The following ADAMTS17 variants were observed in gnomAD, a reference collection of about 807,000 sequenced individuals.
The protein encoded by ADAMTS17 is A disintegrin and metalloproteinase with thrombospondin motifs 17.
Under a neutral mutation model 141.5 loss-of-function variants are expected in ADAMTS17, and 113 were observed. The ratio of observed to expected loss-of-function variants is 0.80; its 90% confidence interval spans 0.69 to 0.93. ADAMTS17 has a LOEUF of 0.93. Among genes scored for constraint, ADAMTS17 ranks in the 40% least tolerant of loss-of-function variants. The probability of loss-of-function intolerance (pLI) is 0.00; values close to 1 mark genes in which losing one functional copy is unlikely to be tolerated. For missense variants in ADAMTS17, 1,659 were observed against 1,517.9 expected, an observed-to-expected ratio of 1.09 and a Z score of -1.54; for synonymous variants, 768 against 630.6, an observed-to-expected ratio of 1.22 and a Z score of -3.27.
At chr15:99,985,101 G>A (rs1388035182) in intron 20 of ADAMTS17, among the ~76,000 whole-genome samples, 2 of 152,338 alleles carry the variant, frequency 1.3e-5, no homozygotes, top group African/African-American at 2.4e-5. Context: ...CCCAGGTCTC[G>A]GACTTCTCTC....
intron 14 of ADAMTS17, among the ~76,000 whole-genome samples, chr15:100,100,841 A>ATC (rs1250437682): frequency 6.6e-6 from 1 of 152,016 alleles, no homozygotes; most frequent in East Asian, 1.9e-4. Context: ...ACCCTCCATG[A>ATC]TCTCATTCCA....
intron 16 of ADAMTS17, among the ~76,000 whole-genome samples, chr15:100,052,719 A>G (rs1390778812): frequency 6.6e-6 from 1 of 152,340 alleles, no homozygotes; most frequent in East Asian, 1.9e-4. Context: ...GTGACTAGGG[A>G]ACAATCTTAT....
intron 3 of ADAMTS17, among the ~76,000 whole-genome samples, chr15:100,316,468 C>T (rs1005510865): frequency 2.6e-5 from 4 of 152,176 alleles, no homozygotes; most frequent in Admixed American, 6.5e-5. Context: ...GGAATCAAGC[C>T]CATTGCCTGC....
intron 3 of ADAMTS17, among the ~76,000 whole-genome samples, chr15:100,318,881 G>A (rs936750361): frequency 2.0e-5 from 3 of 152,334 alleles, no homozygotes; most frequent in East Asian, 1.9e-4. Flanking sequence ...GGACAACCCC[G>A]CCCATGGCAC....
At chr15:100,316,080 T>C (rs2045557380) in intron 3 of ADAMTS17, among the ~76,000 whole-genome samples, 1 of 152,258 alleles carries the variant, frequency 6.6e-6, no homozygotes, top group African/African-American at 2.4e-5. Flanking sequence ...AGAAATTTTT[T>C]TAACTGACTA....
intron 3 of ADAMTS17, among the ~76,000 whole-genome samples, chr15:100,317,821 C>G (rs187081511): frequency 1.5e-3 from 227 of 152,294 alleles, no homozygotes; most frequent in Non-Finnish European, 2.6e-3. Flanking sequence ...GGGCATAAAG[C>G]TGGGCACAGC....
At chr15:100,245,331 G>C (rs2042954627) in intron 7 of ADAMTS17, among the ~76,000 whole-genome samples, 1 of 152,232 alleles carries the variant, frequency 6.6e-6, no homozygotes, top group African/African-American at 2.4e-5. Flanking sequence ...TTCCCAGTCA[G>C]AACAATGAAG....
intron 12 of ADAMTS17, among the ~76,000 whole-genome samples, chr15:100,118,720 G>A (rs1045451811): frequency 3.3e-5 from 5 of 152,150 alleles, no homozygotes; most frequent in African/African-American, 9.7e-5. Context: ...CGGCATGGAA[G>A]GAGCACAGAA....
chr15:100,323,205 T>C (rs2045788951), intron 3 of ADAMTS17, among the ~76,000 whole-genome samples: 1 of 152,144 alleles, frequency 6.6e-6, no homozygotes, highest in African/African-American at 2.4e-5. Context: ...ACATGCTGTG[T>C]TTACATATAT....
At chr15:100,092,266 A>G (rs1344623152) in intron 15 of ADAMTS17, among the ~76,000 whole-genome samples, 2 of 152,216 alleles carry the variant, frequency 1.3e-5, no homozygotes, top group Non-Finnish European at 2.9e-5. Flanking sequence ...TCAGTCTTCA[A>G]CGTCAGTTTA....
rs1187974227 is a variant in ADAMTS17 at position 100,109,750 on chromosome 15, C to T, written c.1889-634G>A. Among the ~76,000 whole-genome samples the T allele has an allele frequency of 2.6e-5, 4 of 152,138 alleles. No individual in the cohort carries two copies. The East Asian group carries it at 7.7e-4, about 29-fold the overall frequency. On this transcript the variant is annotated intron_variant, in intron 13 of 21. Transcript: ENST00000268070. ...CCTGGGTTTCCCCTACTCCTAAAAA[C>T]ACATGACCTCCCAGAACGCGCCCAG...
rs1271022072 is a variant in ADAMTS17 at position 99,974,106 on chromosome 15, T to C, written c.*296A>G. 1.0e-5 allele frequency: 5 copies of C among 482,774 alleles called. No individual in the cohort carries two copies. The Admixed American group carries it at 1.3e-4, about 13-fold the overall frequency. The allele number at this position is 482,774 out of a possible 1,614,324, so 29.9% of individuals were successfully genotyped here. On this transcript the variant is annotated 3_prime_UTR_variant, in exon 22 of 22. Transcript: ENST00000268070. ...AGACAAGAACACTAAATGATGTCTC[T>C]CTCTTGACGGTTGTCTGCCAGAGGT...
At chr15:100,015,152 GT>G (rs1211516407) in intron 18 of ADAMTS17, among the ~76,000 whole-genome samples, 2 of 152,192 alleles carry the variant, frequency 1.3e-5, no homozygotes, top group South Asian at 2.1e-4. Context: ...CTGCTTTAAA[GT>G]TTTTTTCGTC....
intron 7 of ADAMTS17, among the ~76,000 whole-genome samples, chr15:100,204,674 A>G (rs772896354): frequency 6.6e-6 from 1 of 152,262 alleles, no homozygotes; most frequent in Non-Finnish European, 1.5e-5. Context: ...TAAAACTATA[A>G]AAGTCTTAGA....
chr15:99,997,288 G>T lies in ADAMTS17; in HGVS notation c.2796+97C>A, dbSNP rs911476922. Reference sequence around the variant, plus strand: ...AACACAACTTCAAGCTGACCTGGGGGCGAGCGAGGGCTGGGAGGCACCAGA... The same window carrying T: ...AACACAACTTCAAGCTGACCTGGGGTCGAGCGAGGGCTGGGAGGCACCAGA... On this transcript the variant is annotated intron_variant, in intron 19 of 21. Coordinates refer to ENST00000268070, the MANE Select transcript of ADAMTS17 (RefSeq NM_139057.4). This position sits in a 1 kb window ranked among gnomAD's most constrained non-coding sequence, Gnocchi z 4.7. The T allele has an allele frequency of 2.9e-6, 4 of 1,374,878 alleles. No individual in the cohort carries two copies. Among genetic ancestry groups the T allele is most frequent in the Non-Finnish European group, 3.1e-6 (3 of 970,790 alleles). The allele number at this position is 1,374,878 out of a possible 1,614,324, so 85.2% of individuals were successfully genotyped here.
intron 20 of ADAMTS17, among the ~76,000 whole-genome samples, chr15:99,988,492 T>A (rs1443242568): frequency 2.0e-5 from 3 of 152,196 alleles, no homozygotes; most frequent in Admixed American, 2.0e-4. Context: ...TCTTTATCAA[T>A]GATCCAGTCT....
At chr15:100,032,039 C>T (rs535039504) in intron 18 of ADAMTS17, among the ~76,000 whole-genome samples, 1 of 152,290 alleles carries the variant, frequency 6.6e-6, no homozygotes, top group South Asian at 2.1e-4. Context: ...CAGGTAGATG[C>T]ATTACTTACC....
intron 8 of ADAMTS17, among the ~76,000 whole-genome samples, chr15:100,193,686 C>T (rs1307595515): frequency 1.3e-5 from 2 of 152,214 alleles, no homozygotes; most frequent in East Asian, 1.9e-4. Flanking sequence ...GCTCCTGCTG[C>T]GCGTCACTGC....
intron 15 of ADAMTS17, among the ~76,000 whole-genome samples, chr15:100,080,164 C>A (rs1005743836): frequency 1.3e-5 from 2 of 152,172 alleles, no homozygotes; most frequent in African/African-American, 4.8e-5. Context: ...GCTTCCTGTT[C>A]CCCCGACATT....
Sources: allele counts gnomAD v4.1 joint callset (sites outside exome capture counted in the v4.1 genomes callset), GRCh38; gene constraint gnomAD v4.1.1; non-coding constraint Gnocchi (gnomAD v3.1); transcripts MANE v1.5; gene names NCBI Gene and HGNC (gene_info 2026-07-23, HGNC 2026-07-21).